The following MGRN1 variants were observed in gnomAD, a reference collection of about 807,000 sequenced individuals.
MGRN1 encodes the protein E3 ubiquitin-protein ligase MGRN1.
Under a neutral mutation model 69.2 loss-of-function variants are expected in MGRN1, and 29 were observed. The ratio of observed to expected loss-of-function variants is 0.42; its 90% confidence interval spans 0.31 to 0.57. MGRN1 has a LOEUF of 0.57. Among genes scored for constraint, MGRN1 ranks in the 20% least tolerant of loss-of-function variants. MGRN1 has a pLI of 0.15. For synonymous variants in MGRN1, 470 were observed against 344.2 expected (o/e 1.37, Z -4.04); for missense variants, 998 against 796.2 (o/e 1.25, Z -3.05).
At chr16:4,649,434 C>G (rs1368084000) in intron 1 of MGRN1, 1 of 152,226 alleles carries the variant, frequency 6.6e-6, no homozygotes, top group Non-Finnish European at 1.5e-5. Context: ...TGGGGGAGGA[C>G]TCTTCCTTAC....
chr16:4,658,287 G>C (rs1462896543), intron 5 of MGRN1, among the ~76,000 whole-genome samples: 1 of 151,648 alleles, frequency 6.6e-6, no homozygotes, highest in Non-Finnish European at 1.5e-5. Flanking sequence ...TGTAATCCCA[G>C]CACTTTGGGA....
rs116775752 is a variant in MGRN1 at position 4,677,988 on chromosome 16, C to T, written c.1065+416C>T. Among the ~76,000 whole-genome samples the T allele has an allele frequency of 9.7e-3, 1,475 of 152,196 alleles. 28 individuals are homozygous for T. Among genetic ancestry groups the T allele is most frequent in the African/African-American group, 0.033 (1,377 of 41,526 alleles). On this transcript the variant is annotated intron_variant, in intron 11 of 16. Transcript: ENST00000262370. The stretch of plus-strand genomic sequence containing the variant: ...TCAGCCTCCCAAGACGCTGTGACCA[C>T]GGGCGTGTACCACCACGCCGAGCTA...
At chr16:4,641,060 A>G (rs750152983) in intron 1 of MGRN1, among the ~76,000 whole-genome samples, 32 of 152,310 alleles carry the variant, frequency 2.1e-4, no homozygotes, top group South Asian at 6.2e-4. Flanking sequence ...TCACCTCCAC[A>G]GCTGCCTTCC....
intron 1 of MGRN1, among the ~76,000 whole-genome samples, chr16:4,642,444 T>A (rs1297746920): frequency 6.6e-6 from 1 of 150,576 alleles, no homozygotes; most frequent in East Asian, 1.9e-4. Flanking sequence ...ATTACAGGCA[T>A]GCACCACCAC....
intron 5 of MGRN1, among the ~76,000 whole-genome samples, chr16:4,662,938 C>T (rs1382580282): frequency 1.3e-5 from 2 of 152,194 alleles, no homozygotes; most frequent in African/African-American, 2.4e-5. Context: ...GGGGCTTGTC[C>T]CTTCCTCATG....
chr16:4,657,121 C>T (rs538248613), intron 4 of MGRN1, 125 bp from the exon 5 acceptor site: 71 of 885,376 alleles, frequency 8.0e-5, no homozygotes, highest in African/African-American at 6.0e-4. Context: ...GTTTGCTGTT[C>T]CCCATGAGAG....
At chr16:4,627,093 TG>T (rs1289755648) in intron 1 of MGRN1, among the ~76,000 whole-genome samples, 1 of 152,100 alleles carries the variant, frequency 6.6e-6, no homozygotes, top group Admixed American at 6.6e-5. Flanking sequence ...AGGTCAAGGG[TG>T]GGAGGCAGGC....
chr16:4,650,059 T>C (rs1229861464), intron 1 of MGRN1: 3 of 224,256 alleles, frequency 1.3e-5, no homozygotes, highest in Non-Finnish European at 2.7e-5. Flanking sequence ...TCCCAGAACC[T>C]TGGGAGGCTG....
chr16:4,656,882 AAAATAAATAAATAAAT>A (rs57256799), intron 4 of MGRN1, among the ~76,000 whole-genome samples: 6,132 of 146,810 alleles, frequency 0.042, 372 homozygotes, highest in African/African-American at 0.13. Flanking sequence ...TCTTATCTCA[AAAATAAATAAATAAAT>A]AAATAAATAA....
chr16:4,689,157 C>A lies in MGRN1; in HGVS notation c.*249C>A. 1 of 497,652 alleles carries A rather than the reference C, an allele frequency of 2.0e-6. No homozygotes were observed. The highest frequency in any genetic ancestry group is 3.3e-6 in the Non-Finnish European group (1 of 300,754). The allele number at this position is 497,652 out of a possible 1,614,324, so 30.8% of individuals were successfully genotyped here. Reference sequence around the variant, plus strand: ...GCAGCTTTCCATCCCTAGTTCAGAGCCCCCGTTCCCCAGGGTCCTGTGGGC... The same window carrying A: ...GCAGCTTTCCATCCCTAGTTCAGAGACCCCGTTCCCCAGGGTCCTGTGGGC... On this transcript the variant is annotated 3_prime_UTR_variant, in exon 17 of 17. Transcript: ENST00000262370.
chr16:4,637,070 G>C (rs922437038), intron 1 of MGRN1, among the ~76,000 whole-genome samples: 4 of 138,258 alleles, frequency 2.9e-5, no homozygotes, highest in Non-Finnish European at 4.5e-5. Flanking sequence ...AGTGAGTCAA[G>C]ATTGCGCCAC....
chr16:4,626,489 G>A (rs988279181), intron 1 of MGRN1, among the ~76,000 whole-genome samples: 1 of 152,154 alleles, frequency 6.6e-6, no homozygotes, highest in Non-Finnish European at 1.5e-5. Context: ...TCTGTAAAAC[G>A]GGCTGATGCT....
rs181081462 is a variant in MGRN1, at chr16:4,663,339, A to G, written c.562-1370A>G. The stretch of plus-strand genomic sequence containing the variant: ...AGGCCTCCCAAAGTGCTGGGATTAC[A>G]GGCGGGAGCCACGGCACCTGGCCTT... On this transcript the variant is annotated intron_variant, in intron 5 of 16. Transcript: ENST00000262370. 5.2e-3 allele frequency among the ~76,000 whole-genome samples: 732 copies of G among 140,962 alleles called. 4 individuals are homozygous for G. The highest frequency in any genetic ancestry group is 8.8e-3 in the Non-Finnish European group (580 of 66,134). The allele number at this position is 140,962 out of a possible 152,430, so 92.5% of individuals were successfully genotyped here. A position where few individuals can be genotyped will look rare whatever the true frequency, so the allele number is the denominator to read the frequency against.
intron 1 of MGRN1, chr16:4,639,911 T>C (rs1333169357): frequency 1.3e-5 from 2 of 152,276 alleles, no homozygotes; most frequent in Non-Finnish European, 2.9e-5. Flanking sequence ...AGCAAGACCC[T>C]ACTTTACTCA....
At chr16:4,639,825 G>T (rs1489181153) in intron 1 of MGRN1, 1 of 152,206 alleles carries the variant, frequency 6.6e-6, no homozygotes. Flanking sequence ...GATAAACATG[G>T]GTCAGACTTC....
At chr16:4,671,278 G>C (rs745328940) in intron 8 of MGRN1, 113 bp from the exon 9 acceptor site, 39 of 1,006,246 alleles carry the variant, frequency 3.9e-5, no homozygotes, top group Middle Eastern at 2.6e-4. Flanking sequence ...GAGCTGGACT[G>C]ACCCCTGGTA....
intron 5 of MGRN1, among the ~76,000 whole-genome samples, chr16:4,661,104 C>G (rs1442054321): frequency 1.3e-5 from 2 of 151,890 alleles, no homozygotes; most frequent in Admixed American, 1.3e-4. Context: ...CCTCAACTTT[C>G]ACAGTAGCTG....
chr16:4,642,501 T>TGTGTGTGTGTGTG (rs1377829789), intron 1 of MGRN1, among the ~76,000 whole-genome samples: 8 of 151,076 alleles, frequency 5.3e-5, no homozygotes, highest in African/African-American at 1.7e-4. Flanking sequence ...TGTGTGTGTG[T>TGTGTGTGTGTGTG]TTTTAGTAGA....
intron 10 of MGRN1, among the ~76,000 whole-genome samples, chr16:4,674,571 G>A (rs1230815395): frequency 7.0e-6 from 1 of 142,984 alleles, no homozygotes; most frequent in Non-Finnish European, 1.5e-5. Context: ...ACAAGCGTGA[G>A]CCACCGCTTT....
Sources: allele counts gnomAD v4.1 joint callset (sites outside exome capture counted in the v4.1 genomes callset), GRCh38; gene constraint gnomAD v4.1.1; transcripts MANE v1.5; gene names NCBI Gene and HGNC (gene_info 2026-07-23, HGNC 2026-07-21).